LRRIQ1: variants seen among roughly 807,000 people sequenced by gnomAD.
LRRIQ1 encodes leucine rich repeats and IQ motif containing 1.
LRRIQ1 carries 210 observed loss-of-function variants against 211.9 expected under a neutral mutation model. The observed-to-expected ratio is 0.99, with a 90% confidence interval of 0.89 to 1.11. The LOEUF is 1.11. LRRIQ1 is among the 50% of genes most tolerant of loss of function. The probability of loss-of-function intolerance (pLI) is 0.00; values close to 1 mark genes in which losing one functional copy is unlikely to be tolerated. For synonymous variants in LRRIQ1, 699 were observed against 650.1 expected (o/e 1.08, Z -1.14); for missense variants, 2,136 against 1,939.5 (o/e 1.10, Z -1.90).
At chr12:85,212,883 A>G (rs974365783) in intron 24 of LRRIQ1, among the ~76,000 whole-genome samples, 2 of 151,132 alleles carry the variant, frequency 1.3e-5, no homozygotes, top group Non-Finnish European at 3.0e-5. Context: ...CTGCCACACT[A>G]CTAGAAAGAA....
chr12:85,065,586 A>G (rs1435493391), intron 9 of LRRIQ1, among the ~76,000 whole-genome samples, 172 bp downstream of exon 9: 1 of 151,846 alleles, frequency 6.6e-6, no homozygotes, highest in Non-Finnish European at 1.5e-5. Context: ...AGGGAAGTTT[A>G]TTGGATGATA....
At chr12:85,123,228 G>T (rs1045042040) in intron 16 of LRRIQ1, among the ~76,000 whole-genome samples, 1 of 151,836 alleles carries the variant, frequency 6.6e-6, no homozygotes, top group African/African-American at 2.4e-5. Context: ...TACATTTTTG[G>T]AAATAATTGT....
intron 24 of LRRIQ1, among the ~76,000 whole-genome samples, chr12:85,168,944 A>T (rs1246690463): frequency 1.3e-5 from 2 of 152,174 alleles, no homozygotes; most frequent in Non-Finnish European, 2.9e-5. Context: ...CATGGCAACA[A>T]CATATCATCA....
chr12:85,075,434 G>A (rs1883537776), intron 11 of LRRIQ1, among the ~76,000 whole-genome samples: 1 of 152,078 alleles, frequency 6.6e-6, no homozygotes, highest in Admixed American at 6.6e-5. Context: ...GGCTTCTAGA[G>A]AGGCCTCAGG....
intron 15 of LRRIQ1, among the ~76,000 whole-genome samples, chr12:85,121,091 C>G (rs1388943260): frequency 6.6e-6 from 1 of 152,076 alleles, no homozygotes; most frequent in African/African-American, 2.4e-5. Flanking sequence ...CCTCAGCCTC[C>G]CGGCTAACTG....
At chr12:85,190,213 TATA>T (rs1220952887) in intron 24 of LRRIQ1, among the ~76,000 whole-genome samples, 1 of 144,596 alleles carries the variant, frequency 6.9e-6, no homozygotes. Context: ...ATTATAATTT[TATA>T]ATTTTATAAT....
chr12:85,204,128 G>T (rs1210952891), intron 24 of LRRIQ1, among the ~76,000 whole-genome samples: 4 of 152,182 alleles, frequency 2.6e-5, no homozygotes, highest in Admixed American at 2.6e-4. Flanking sequence ...CCAATGTAGA[G>T]CTCAGGCTGT....
intron 8 of LRRIQ1, among the ~76,000 whole-genome samples, chr12:85,062,730 G>A (rs923929472): frequency 1.3e-5 from 2 of 151,620 alleles, no homozygotes; most frequent in African/African-American, 2.4e-5. Context: ...AATGGGATAG[G>A]TGGGTTGAAT....
At chr12:85,132,671 G>A (rs142388337) in intron 18 of LRRIQ1, among the ~76,000 whole-genome samples, 1 of 152,018 alleles carries the variant, frequency 6.6e-6, no homozygotes, top group African/African-American at 2.4e-5. Context: ...GTTGTGGTAG[G>A]GGATCTCTTG....
chr12:85,269,558 G>T, the LRRIQ1 span, among the ~76,000 whole-genome samples: 1 of 151,958 alleles, frequency 6.6e-6, no homozygotes. Flanking sequence ...TTAAATCTCA[G>T]TGAATCTGCT....
intron 21 of LRRIQ1, 68 bp from the exon 22 acceptor site, chr12:85,153,595 T>C: frequency 1.1e-6 from 1 of 949,586 alleles, no homozygotes; most frequent in South Asian, 1.6e-5. Context: ...CATAAACAGT[T>C]TGTAGTTTTA....
At chr12:85,038,951 T>G (rs549799534) in intron 2 of LRRIQ1, among the ~76,000 whole-genome samples, 112 of 151,342 alleles carry the variant, frequency 7.4e-4, no homozygotes, top group Non-Finnish European at 1.4e-3. Flanking sequence ...GTGGACCAAA[T>G]TCTTCACATC....
intron 3 of LRRIQ1, among the ~76,000 whole-genome samples, chr12:85,043,059 C>T (rs953800776): frequency 6.6e-6 from 1 of 151,694 alleles, no homozygotes; most frequent in Non-Finnish European, 1.5e-5. Context: ...ATGTATTGAT[C>T]GGGGTTCTCA....
chr12:85,047,638 A>G, intron 6 of LRRIQ1, 168 bp downstream of exon 6: 1 of 555,168 alleles, frequency 1.8e-6, no homozygotes, highest in Non-Finnish European at 3.2e-6. Context: ...GAGGTCCTTG[A>G]TTAGTTTTTA....
chr12:85,125,955 C>A (rs1440269067), intron 17 of LRRIQ1, among the ~76,000 whole-genome samples: 1 of 152,140 alleles, frequency 6.6e-6, no homozygotes, highest in Non-Finnish European at 1.5e-5. Context: ...TCTTAACATT[C>A]AGTGATTCAG....
Position 85,187,809 on chromosome 12 carries a change from C to CA in LRRIQ1, c.4822+27112dup, listed in dbSNP as rs749849862. ...GGGCAACAAGAGCAAAACTTCATCT[C>CA]AAAAAAAAAAAAAAAAAGAAAGAAA... On this transcript the variant is annotated intron_variant, in intron 24 of 26. Transcript: ENST00000393217. Among the ~76,000 whole-genome samples the CA allele has an allele frequency of 9.4e-3, 918 of 97,504 alleles. 3 individuals carry two copies. Among genetic ancestry groups the CA allele is most frequent in the African/African-American group, 0.023 (575 of 24,952 alleles). The allele number at this position is 97,504 out of a possible 152,430, so 64.0% of individuals were successfully genotyped here.
At chr12:85,193,458 ACTAACAGT>A (rs1490929656) in intron 24 of LRRIQ1, among the ~76,000 whole-genome samples, 1 of 138,978 alleles carries the variant, frequency 7.2e-6, no homozygotes, top group Non-Finnish European at 1.5e-5. Context: ...AGCCCATCAG[ACTAACAGT>A]GGATCTCTCG....
At chr12:85,118,261 A>G (rs369062670) in intron 15 of LRRIQ1, among the ~76,000 whole-genome samples, 20 of 152,196 alleles carry the variant, frequency 1.3e-4, no homozygotes, top group Admixed American at 1.0e-3. Flanking sequence ...ACAAGTTCAA[A>G]ATATATGGAC....
At chr12:85,044,276 T>G (rs1879260992) in intron 3 of LRRIQ1, among the ~76,000 whole-genome samples, 1 of 152,052 alleles carries the variant, frequency 6.6e-6, no homozygotes, top group African/African-American at 2.4e-5. Context: ...ATAAGAAATA[T>G]AATTCCTCTT....
Sources: gnomAD v4.1 joint callset for allele counts (sites outside exome capture counted in the v4.1 genomes callset) on GRCh38, gnomAD v4.1.1 for gene constraint, MANE v1.5 for transcripts, NCBI Gene and HGNC (gene_info 2026-07-23, HGNC 2026-07-21) for gene names.